LHFPL3: variants seen among roughly 807,000 people sequenced by gnomAD.
LHFPL3 encodes LHFPL tetraspan subfamily member 3, also known as LHFPL tetraspan subfamily member 3 protein.
In LHFPL3, 5 loss-of-function variants were observed where a neutral mutation model predicts 19.3. The ratio of observed to expected loss-of-function variants is 0.26; its 90% CI spans 0.14 to 0.54. LHFPL3 has a LOEUF of 0.54. Ranked by LOEUF, LHFPL3 falls within the 20% of genes least tolerant of loss-of-function variation. LHFPL3 has a pLI of 0.94. For synonymous variants in LHFPL3, 133 were observed against 126.2 expected (o/e 1.05, Z -0.36); for missense variants, 249 against 307.4 (o/e 0.81, Z 1.42).
In LHFPL3 at chr7:104,730,027, A is replaced by T. The variant is rs1793669095; in HGVS notation, c.446-6648A>T. Among the ~76,000 whole-genome samples the T allele has an allele frequency of 2.0e-5, 3 of 152,086 alleles. No individual in the cohort carries two copies. The South Asian group carries it at 6.2e-4, about 32-fold the overall frequency. ...TTTTTGTCCTTGTGATAGTCTGCTG[A>T]GAATGATGGTTCCCAGCTCATCCAT... On this transcript the variant is annotated intron_variant, in intron 1 of 2. Coordinates refer to ENST00000424859, the MANE Select transcript of LHFPL3 (RefSeq NM_199000.3).
intron 1 of LHFPL3, among the ~76,000 whole-genome samples, chr7:104,721,656 C>G (rs1056007963): frequency 6.6e-6 from 1 of 151,954 alleles, no homozygotes; most frequent in Non-Finnish European, 1.5e-5. Flanking sequence ...GAAAGGTATT[C>G]CCAGTTCCTC....
chr7:104,461,710 C>T (rs1792666848), intron 1 of LHFPL3, among the ~76,000 whole-genome samples: 1 of 151,894 alleles, frequency 6.6e-6, no homozygotes, highest in African/African-American at 2.4e-5. Flanking sequence ...ATGATGCTTC[C>T]ATCTTTGTTC....
At chr7:104,448,202 CTT>C (rs1272692512) in intron 1 of LHFPL3, among the ~76,000 whole-genome samples, 5 of 152,084 alleles carry the variant, frequency 3.3e-5, no homozygotes, top group African/African-American at 1.2e-4. Context: ...ACATTTTTGT[CTT>C]CACCTAAGGA....
At chr7:104,779,495 A>G (rs1037036855) in intron 2 of LHFPL3, among the ~76,000 whole-genome samples, 21 of 152,132 alleles carry the variant, frequency 1.4e-4, no homozygotes, top group African/African-American at 4.6e-4. Flanking sequence ...GACGCCCAGG[A>G]TGCCTCTTGG....
chr7:104,563,338 C>T (rs1190498064), intron 1 of LHFPL3, among the ~76,000 whole-genome samples: 6 of 152,264 alleles, frequency 3.9e-5, no homozygotes, highest in South Asian at 4.1e-4. Context: ...AGCGAGACTC[C>T]GTGGGCGTAG....
intron 1 of LHFPL3, among the ~76,000 whole-genome samples, chr7:104,616,042 C>T (rs1193411285): frequency 1.3e-5 from 2 of 152,130 alleles, no homozygotes; most frequent in Non-Finnish European, 2.9e-5. Flanking sequence ...GAATCAATAT[C>T]GTGAAAATGG....
At chr7:104,827,772 C>CA (rs1442644156) in intron 2 of LHFPL3, among the ~76,000 whole-genome samples, 1 of 151,712 alleles carries the variant, frequency 6.6e-6, no homozygotes, top group African/African-American at 2.4e-5. Flanking sequence ...CTCAAAAAAA[C>CA]AAAAAAGTTA....
chr7:104,340,618 T>C (rs1178362250), intron 1 of LHFPL3, among the ~76,000 whole-genome samples: 1 of 152,174 alleles, frequency 6.6e-6, no homozygotes, highest in Non-Finnish European at 1.5e-5. Context: ...ATGAAGGCAA[T>C]TGAGTGGCGC....
At chr7:104,483,386 C>A (rs891018912) in intron 1 of LHFPL3, among the ~76,000 whole-genome samples, 1 of 152,112 alleles carries the variant, frequency 6.6e-6, no homozygotes, top group East Asian at 1.9e-4. Context: ...ATTTTATGTT[C>A]AGTTGTAATT....
chr7:104,773,036 G>A (rs1794579593), intron 2 of LHFPL3, among the ~76,000 whole-genome samples: 1 of 152,244 alleles, frequency 6.6e-6, no homozygotes, highest in South Asian at 2.1e-4. Flanking sequence ...TTATGAGTAA[G>A]TTGTTTTCTC....
At chr7:104,483,455 T>C (rs995171827) in intron 1 of LHFPL3, among the ~76,000 whole-genome samples, 1 of 152,232 alleles carries the variant, frequency 6.6e-6, no homozygotes, top group African/African-American at 2.4e-5. Context: ...CTTTTAAAAC[T>C]ACATAGTTAT....
intron 1 of LHFPL3, among the ~76,000 whole-genome samples, chr7:104,641,815 A>G (rs1455953711): frequency 6.6e-6 from 1 of 152,162 alleles, no homozygotes; most frequent in Non-Finnish European, 1.5e-5. Context: ...ACTTCATTTT[A>G]TTATTTATAG....
At chr7:104,423,475 A>ATGG (rs1791774222) in intron 1 of LHFPL3, among the ~76,000 whole-genome samples, 1 of 152,146 alleles carries the variant, frequency 6.6e-6, no homozygotes, top group South Asian at 2.1e-4. Flanking sequence ...TTAGCTGGGC[A>ATGG]TGGTGGTGCA....
At chr7:104,654,580 G>T (rs1169167644) in intron 1 of LHFPL3, among the ~76,000 whole-genome samples, 1 of 152,134 alleles carries the variant, frequency 6.6e-6, no homozygotes, top group Admixed American at 6.6e-5. Flanking sequence ...TACCTACCTT[G>T]TGGGAATATC....
At chr7:104,386,627 A>G (rs1790948670) in intron 1 of LHFPL3, among the ~76,000 whole-genome samples, 2 of 152,242 alleles carry the variant, frequency 1.3e-5, no homozygotes. Flanking sequence ...AGCAGGAAGT[A>G]AAAGCACTAA....
chr7:104,793,533 T>C (rs574369124), intron 2 of LHFPL3, among the ~76,000 whole-genome samples: 2 of 152,260 alleles, frequency 1.3e-5, no homozygotes, highest in African/African-American at 2.4e-5. Flanking sequence ...TAAAAATCAA[T>C]AGCAGCCACA....
intron 2 of LHFPL3, among the ~76,000 whole-genome samples, chr7:104,838,184 A>C (rs1791133492): frequency 1.3e-5 from 2 of 152,182 alleles, no homozygotes; most frequent in African/African-American, 4.8e-5. Context: ...TATGAGAACC[A>C]TTTGAGGAAC....
At chr7:104,777,381 T>C (rs994043437) in intron 2 of LHFPL3, among the ~76,000 whole-genome samples, 7 of 152,156 alleles carry the variant, frequency 4.6e-5, no homozygotes, top group Admixed American at 3.3e-4. Context: ...CCAGGGAATA[T>C]TAATAAGCCC....
At chr7:104,408,864 C>CTTTGTTTTTTT (rs1791475665) in intron 1 of LHFPL3, among the ~76,000 whole-genome samples, 1 of 105,436 alleles carries the variant, frequency 9.5e-6, no homozygotes, top group Non-Finnish European at 1.8e-5. Context: ...AATTTTCTTT[C>CTTTGTTTTTTT]TTTTTTTTTT....
Sources: allele counts gnomAD v4.1 joint callset (sites outside exome capture counted in the v4.1 genomes callset), GRCh38; gene constraint gnomAD v4.1.1; transcripts MANE v1.5; gene names NCBI Gene and HGNC (gene_info 2026-07-23, HGNC 2026-07-21).